NFIC: variants seen among roughly 807,000 people sequenced by gnomAD.
NFIC encodes the protein nuclear factor I C, also known as nuclear factor 1 C-type.
In NFIC, 12 loss-of-function variants were observed where a neutral mutation model predicts 54.4. The ratio of observed to expected loss-of-function variants is 0.22; its 90% CI spans 0.14 to 0.36. The LOEUF is 0.36. Among genes scored for constraint, NFIC ranks in the 10% least tolerant of loss-of-function variants. The pLI is 1.00. For missense variants in NFIC, 575 were observed against 718.2 expected (o/e 0.80, Z 2.28); for synonymous variants, 322 against 319.2 (o/e 1.01, Z -0.09).
At chr19:3,387,813 C>T (rs956339533) in intron 2 of NFIC, among the ~76,000 whole-genome samples, 5 of 151,564 alleles carry the variant, frequency 3.3e-5, no homozygotes, top group African/African-American at 1.2e-4. Context: ...GGGGGTGGGG[C>T]GGGAGAGGGT....
intron 1 of NFIC, among the ~76,000 whole-genome samples, chr19:3,379,878 C>T (rs965797362): frequency 2.0e-5 from 3 of 151,696 alleles, no homozygotes; most frequent in Non-Finnish European, 4.4e-5. Flanking sequence ...AACGGGGCCT[C>T]GCTATGTCAT....
At chr19:3,367,347 CGATTCTG>C (rs574903375) in intron 1 of NFIC, among the ~76,000 whole-genome samples, 8 of 152,200 alleles carry the variant, frequency 5.3e-5, no homozygotes, top group South Asian at 4.1e-4. Flanking sequence ...TTCGCTGCAT[CGATTCTG>C]GATTCTGGAT....
In NFIC at chr19:3,464,653, C is replaced by G. The variant is rs987590501; in HGVS notation, c.*1884C>G. 1.1e-5 allele frequency: 11 copies of G among 984,874 alleles called. No individual in the cohort carries two copies. The South Asian group carries it at 4.7e-4, about 42-fold the overall frequency. The allele number at this position is 984,874 out of a possible 1,614,324, so 61.0% of individuals were successfully genotyped here. The stretch of plus-strand genomic sequence containing the variant: ...GTCTCACCTGCTCCTAGCCTCACCC[C>G]CCTGCCCCCGAAAACCAGACTCTCC... On this transcript the variant is annotated 3_prime_UTR_variant, in exon 11 of 11. Transcript: ENST00000443272.
chr19:3,429,134 TATACACACAC>T (rs1390323821), intron 3 of NFIC, among the ~76,000 whole-genome samples: 7 of 67,202 alleles, frequency 1.0e-4, no homozygotes, highest in East Asian at 7.9e-4. Flanking sequence ...AAAAAAAAAA[TATACACACAC>T]ACACACACAC....
At chr19:3,384,945 C>T (rs1357863563) in intron 2 of NFIC, among the ~76,000 whole-genome samples, 1 of 151,824 alleles carries the variant, frequency 6.6e-6, no homozygotes. Context: ...CCCACCTCCT[C>T]CGTGCTGAGC....
chr19:3,425,215 G>A, intron 3 of NFIC, 38 bp downstream of exon 3: 2 of 1,582,106 alleles, frequency 1.3e-6, no homozygotes, highest in Non-Finnish European at 1.7e-6. Flanking sequence ...AGGGCGGAGG[G>A]CGCAGCCCTG....
At chr19:3,372,849 CTT>C (rs201917998) in intron 1 of NFIC, among the ~76,000 whole-genome samples, 2 of 146,588 alleles carry the variant, frequency 1.4e-5, no homozygotes, top group African/African-American at 2.5e-5. Flanking sequence ...TCATAGTAGA[CTT>C]TTTTTTTTTT....
At chr19:3,457,268 C>T (rs376948111) in intron 10 of NFIC, among the ~76,000 whole-genome samples, 4 of 152,148 alleles carry the variant, frequency 2.6e-5, no homozygotes, top group African/African-American at 9.7e-5. Flanking sequence ...CATGTTCAGA[C>T]GGCTGCAGCT....
intron 2 of NFIC, among the ~76,000 whole-genome samples, chr19:3,402,010 C>A (rs576671597): frequency 6.6e-6 from 1 of 152,000 alleles, no homozygotes; most frequent in African/African-American, 2.4e-5. Flanking sequence ...GTGTGAACCA[C>A]CGTACCCAGC....
intron 2 of NFIC, among the ~76,000 whole-genome samples, chr19:3,406,784 A>G (rs1430302654): frequency 6.6e-6 from 1 of 152,166 alleles, no homozygotes; most frequent in Non-Finnish European, 1.5e-5. Flanking sequence ...AACTTCCCTC[A>G]CTTCAAGTGC....
In NFIC at chr19:3,443,996, C is replaced by A. The variant is rs372272410; in HGVS notation, c.959-5018C>A. 2.8e-4 allele frequency among the ~76,000 whole-genome samples: 43 copies of A among 152,362 alleles called. 3 individuals are homozygous for A. Among genetic ancestry groups the A allele is most frequent in the African/African-American group, 9.6e-4 (40 of 41,586 alleles). On this transcript the variant is annotated intron_variant, in intron 6 of 10. Transcript: ENST00000443272. ...TGACCCCGGACCCTAGAGACCCAGC[C>A]AGAGTGGGCCTTGGCCCCCTGGGGG...
At chr19:3,441,543 A>T (rs1024754651) in intron 6 of NFIC, among the ~76,000 whole-genome samples, 3 of 152,254 alleles carry the variant, frequency 2.0e-5, no homozygotes, top group African/African-American at 7.2e-5. Context: ...GCAGCCTCTG[A>T]AGTCCCAAGG....
intron 2 of NFIC, among the ~76,000 whole-genome samples, chr19:3,395,322 G>A (rs1458281797): frequency 6.6e-6 from 1 of 151,816 alleles, no homozygotes; most frequent in Non-Finnish European, 1.5e-5. Context: ...TCGCACCACT[G>A]TACTCCAGCC....
In NFIC at chr19:3,464,089, C is replaced by A; in HGVS notation, c.*1320C>A. ...GAAGCCGGTGCGCCCCCCACGCCTC[C>A]GCTGCCAGTGCCTTACATTCTGGAG... On this transcript the variant is annotated 3_prime_UTR_variant, in exon 11 of 11. Coordinates refer to ENST00000443272, the MANE Select transcript of NFIC (RefSeq NM_001245002.2). 1 of 985,370 alleles carries A rather than the reference C, an allele frequency of 1.0e-6. No homozygotes were observed. Among genetic ancestry groups the A allele is most frequent in the Non-Finnish European group, 1.2e-6 (1 of 829,932 alleles). The allele number at this position is 985,370 out of a possible 1,614,324, so 61.0% of individuals were successfully genotyped here.
intron 1 of NFIC, among the ~76,000 whole-genome samples, chr19:3,371,998 CCTCTCTCTCTCTCTCTCT>C (rs56852086): frequency 1.7e-4 from 6 of 35,370 alleles, no homozygotes; most frequent in African/African-American, 5.1e-4. Flanking sequence ...CCTCTCTCTC[CCTCTCTCTCTCTCTCTCT>C]CTCTCTCTCT....
chr19:3,373,964 G>T (rs145885308), intron 1 of NFIC, among the ~76,000 whole-genome samples: 1 of 152,216 alleles, frequency 6.6e-6, no homozygotes, highest in Non-Finnish European at 1.5e-5. Context: ...CGCTGGTGCC[G>T]GATGGGCCTG....
intron 4 of NFIC, 134 bp downstream of exon 4, chr19:3,433,726 G>A: frequency 9.9e-7 from 1 of 1,011,240 alleles, no homozygotes; most frequent in Non-Finnish European, 1.5e-6. Context: ...AAGGTTCCTA[G>A]AAAGGGAGGT....
At chr19:3,406,556 C>G (rs1332061328) in intron 2 of NFIC, among the ~76,000 whole-genome samples, 1 of 152,106 alleles carries the variant, frequency 6.6e-6, no homozygotes, top group Non-Finnish European at 1.5e-5. Context: ...CTGCTCTGTC[C>G]CCAGTACCTA....
chr19:3,451,751 G>A (rs978525288), intron 7 of NFIC, among the ~76,000 whole-genome samples: 1 of 151,116 alleles, frequency 6.6e-6, no homozygotes, highest in Non-Finnish European at 1.5e-5. Context: ...TCTGCCATCT[G>A]ATGCCGTGTG....
Sources: allele counts gnomAD v4.1 joint callset (sites outside exome capture counted in the v4.1 genomes callset), GRCh38; gene constraint gnomAD v4.1.1; transcripts MANE v1.5; gene names NCBI Gene and HGNC (gene_info 2026-07-23, HGNC 2026-07-21).